The following USP34 variants were observed in gnomAD, a reference collection of about 807,000 sequenced individuals.
USP34 encodes ubiquitin carboxyl-terminal hydrolase 34.
USP34 carries 70 observed loss-of-function variants against 460.3 expected under a neutral mutation model. The ratio of observed to expected loss-of-function variants is 0.15; its 90% CI spans 0.13 to 0.19. The LOEUF is 0.19. Among genes scored for constraint, USP34 ranks in the 10% least tolerant of loss-of-function variants. The pLI is 1.00. For missense variants in USP34, 3,985 were observed against 4,236.2 expected (o/e 0.94, Z 1.65); for synonymous variants, 1,647 against 1,405.3 (o/e 1.17, Z -3.85).
intron 2 of USP34, among the ~76,000 whole-genome samples, chr2:61,420,037 ACT>A (rs1203786232): frequency 6.6e-6 from 1 of 152,156 alleles, no homozygotes; most frequent in East Asian, 1.9e-4. Context: ...ACTCAGCTAA[ACT>A]CTATGTTCAG....
rs571855895 is a variant in USP34 at position 61,439,561 on chromosome 2, C to A, written c.44-18728G>T. 5.9e-5 allele frequency among the ~76,000 whole-genome samples: 9 copies of A among 152,296 alleles called. No individual in the cohort carries two copies. In the South Asian group the frequency reaches 1.9e-3, roughly 32 times the overall value. ...GCTGAGCAGGCAGTCAGTGAGCACC[C>A]ACAGTCAGCCCTCACCACAAGCAGC... On this transcript the variant is annotated intron_variant, in intron 1 of 79. Coordinates refer to ENST00000398571, the MANE Select transcript of USP34 (RefSeq NM_014709.4).
At chr2:61,246,185 T>A (rs894436480) in intron 50 of USP34, 139 bp downstream of exon 50, 25 of 552,888 alleles carry the variant, frequency 4.5e-5, no homozygotes, top group Non-Finnish European at 7.0e-5. Context: ...ACACTGTCTG[T>A]TGAAAGTTAT....
chr2:61,327,754 T>C (rs764601192), intron 20 of USP34, among the ~76,000 whole-genome samples: 2 of 152,130 alleles, frequency 1.3e-5, no homozygotes, highest in Non-Finnish European at 2.9e-5. Context: ...CAGGGTCCTA[T>C]GGGCTGCTGA....
intron 16 of USP34, among the ~76,000 whole-genome samples, chr2:61,342,949 C>A (rs1691651482): frequency 6.6e-6 from 1 of 152,182 alleles, no homozygotes; most frequent in South Asian, 2.1e-4. Flanking sequence ...CCTTTCTCAA[C>A]AACCACAACA....
intron 51 of USP34, among the ~76,000 whole-genome samples, chr2:61,242,437 G>T (rs1489586329): frequency 7.0e-6 from 1 of 143,552 alleles, no homozygotes; most frequent in Non-Finnish European, 1.5e-5. Flanking sequence ...AAAAAGGTAA[G>T]AGTCAACCAA....
chr2:61,425,126 A>G (rs1694473858), intron 1 of USP34, among the ~76,000 whole-genome samples: 1 of 152,010 alleles, frequency 6.6e-6, no homozygotes, highest in Non-Finnish European at 1.5e-5. Context: ...GATTTTTTAG[A>G]CTGAAAACAG....
At chr2:61,374,760 G>T (rs1692740650) in intron 8 of USP34, among the ~76,000 whole-genome samples, 1 of 151,976 alleles carries the variant, frequency 6.6e-6, no homozygotes, top group African/African-American at 2.4e-5. Flanking sequence ...GTAGAGACGG[G>T]GTTTCGCCAT....
intron 8 of USP34, among the ~76,000 whole-genome samples, chr2:61,375,941 C>T (rs1305394225): frequency 6.6e-6 from 1 of 151,894 alleles, no homozygotes; most frequent in East Asian, 1.9e-4. Context: ...CAAGAGTATA[C>T]TAAATGAAAA....
At chr2:61,410,459 T>TCTGC (rs1645750186) in intron 2 of USP34, among the ~76,000 whole-genome samples, 1 of 152,224 alleles carries the variant, frequency 6.6e-6, no homozygotes, top group Non-Finnish European at 1.5e-5. Flanking sequence ...CACTCACTCA[T>TCTGC]CTGCCCTTCA....
chr2:61,327,929 A>C (rs1691143656), intron 20 of USP34, among the ~76,000 whole-genome samples: 1 of 152,274 alleles, frequency 6.6e-6, no homozygotes, highest in Non-Finnish European at 1.5e-5. Context: ...CCTTAAAAGA[A>C]AATCTCTTTG....
At chr2:61,255,646 G>T (rs1203551953) in intron 48 of USP34, among the ~76,000 whole-genome samples, 1 of 152,224 alleles carries the variant, frequency 6.6e-6, no homozygotes, top group African/African-American at 2.4e-5. Context: ...AGTACAAAAA[G>T]TCCCTAGTTA....
intron 1 of USP34, among the ~76,000 whole-genome samples, chr2:61,468,205 G>C (rs968212257): frequency 8.5e-5 from 13 of 152,104 alleles, no homozygotes; most frequent in Admixed American, 8.5e-4. Flanking sequence ...TGTTTTTTGA[G>C]ACAAAGTTTC....
chr2:61,385,671 C>CAAAAAAAAAAAAAAAA (rs61200102), intron 5 of USP34, among the ~76,000 whole-genome samples: 1 of 46,004 alleles, frequency 2.2e-5, no homozygotes, highest in Non-Finnish European at 3.7e-5. Flanking sequence ...GACTCTGTCT[C>CAAAAAAAAAAAAAAAA]AAAAAAAAAA....
At chr2:61,360,960 A>G (rs1692258955) in intron 10 of USP34, among the ~76,000 whole-genome samples, 1 of 152,218 alleles carries the variant, frequency 6.6e-6, no homozygotes, top group Non-Finnish European at 1.5e-5. Flanking sequence ...CACCACACCC[A>G]GCCTCAATGG....
intron 62 of USP34, among the ~76,000 whole-genome samples, chr2:61,226,161 A>C (rs1687719598): frequency 6.6e-6 from 1 of 152,190 alleles, no homozygotes; most frequent in Non-Finnish European, 1.5e-5. Context: ...CACGAACAAA[A>C]CATATAAATA....
At chr2:61,220,487 A>C in intron 66 of USP34, 30 bp from the exon 67 acceptor site, 1 of 1,564,666 alleles carries the variant, frequency 6.4e-7, no homozygotes, top group Admixed American at 1.9e-5. Flanking sequence ...AACAGAATAT[A>C]AGGCCAACTG....
intron 34 of USP34, 138 bp from the exon 35 acceptor site, chr2:61,285,095 C>T (rs1343988816): frequency 1.7e-6 from 1 of 600,688 alleles, no homozygotes; most frequent in Non-Finnish European, 2.9e-6. Flanking sequence ...TGATATTTAT[C>T]TATAACACAA....
intron 12 of USP34, among the ~76,000 whole-genome samples, 192 bp from the exon 13 acceptor site, chr2:61,349,477 T>C (rs1691876706): frequency 6.6e-6 from 1 of 152,126 alleles, no homozygotes; most frequent in African/African-American, 2.4e-5. Context: ...GGGTAGTATA[T>C]GTTGTCAGGA....
intron 68 of USP34, among the ~76,000 whole-genome samples, chr2:61,212,957 T>C (rs1223661281): frequency 6.6e-6 from 1 of 152,204 alleles, no homozygotes; most frequent in Non-Finnish European, 1.5e-5. Context: ...ATTGATATTT[T>C]GTATTCTTAT....
Sources: gnomAD v4.1 joint callset for allele counts (sites outside exome capture counted in the v4.1 genomes callset) on GRCh38, gnomAD v4.1.1 for gene constraint, MANE v1.5 for transcripts, NCBI Gene and HGNC (gene_info 2026-07-23, HGNC 2026-07-21) for gene names.